Variants in KRT7 observed in about 807,000 individuals in gnomAD.
The protein encoded by KRT7 is keratin 7.
KRT7 carries 50 observed loss-of-function variants against 42.8 expected under a neutral mutation model. The ratio of observed to expected loss-of-function variants is 1.17; its 90% CI spans 0.93 to 1.48. KRT7 has a LOEUF of 1.48. Ranked by LOEUF, KRT7 falls within the 40% of genes most tolerant of loss-of-function variation. The pLI is 0.00. For synonymous variants in KRT7, 268 were observed against 266.3 expected, an observed-to-expected ratio of 1.01 and a Z score of -0.06; for missense variants, 588 against 637.6, an observed-to-expected ratio of 0.92 and a Z score of 0.84.
chr12:52,252,462 G>A (rs778604829), downstream of KRT7: 36 of 1,614,026 alleles, frequency 2.2e-5, no homozygotes, highest in Middle Eastern at 3.4e-4. Context: ...CTGGGCCACC[G>A]CGGCCTCCAG....
chr12:52,253,656 T>C, downstream of KRT7: 1 of 1,512,332 alleles, frequency 6.6e-7, no homozygotes, highest in Non-Finnish European at 9.0e-7. Context: ...AATGTCATCG[T>C]ACTGAGCTTT....
At chr12:52,245,106 A>G in intron 6 of KRT7, 3 of 493,446 alleles carry the variant, frequency 6.1e-6, no homozygotes, top group South Asian at 2.6e-5. Context: ...TGCCACGGAC[A>G]TCTTGTATAT....
downstream of KRT7, among the ~76,000 whole-genome samples, chr12:52,254,561 G>T (rs2121138565): frequency 6.6e-6 from 1 of 152,296 alleles, no homozygotes; most frequent in African/African-American, 2.4e-5. Flanking sequence ...AGCAGGTTTG[G>T]GTAAGGGAGG....
intron 3 of KRT7, among the ~76,000 whole-genome samples, chr12:52,238,317 G>A (rs1056311827): frequency 2.6e-5 from 4 of 152,226 alleles, no homozygotes; most frequent in African/African-American, 9.6e-5. Flanking sequence ...ATGACTTTGT[G>A]TTCTGCTACT....
At chr12:52,234,052 G>T (rs193049892) in intron 1 of KRT7, among the ~76,000 whole-genome samples, 2 of 146,912 alleles carry the variant, frequency 1.4e-5, no homozygotes, top group African/African-American at 4.9e-5. Context: ...TCCCAGAGGG[G>T]GAGACCCAGG....
At position 52,241,553 on chromosome 12, in the gene KRT7, G is replaced by A. The variant is rs1056298960; in HGVS notation, c.775G>A (p.Gly259Ser). The A allele has an allele frequency of 5.0e-6, 8 of 1,613,840 alleles. No homozygotes were observed. In the Admixed American group the frequency reaches 6.7e-5, roughly 13 times the overall value. ...CAACAGTCGCTCCCTGGACCTGGACGGCATCATCGCTGAGGTCAAGGCGCA... is the reference window on the plus strand; with the variant it reads ...CAACAGTCGCTCCCTGGACCTGGACAGCATCATCGCTGAGGTCAAGGCGCA... ...MDNSRSLDLD[G>S]IIAEVKAQYE... The change falls in exon 5 of 9, where the codon GGC (glycine) becomes AGC (serine). Residue 259 changes from glycine to serine, a missense_variant. Gly to Ser is a moderately conservative substitution (Grantham distance 56). Transcript: ENST00000331817.
At chr12:52,239,401 C>T (rs932914353) in intron 4 of KRT7, among the ~76,000 whole-genome samples, 2 of 152,194 alleles carry the variant, frequency 1.3e-5, no homozygotes, top group South Asian at 4.1e-4. Flanking sequence ...CTGTAGTTTG[C>T]TGACCTAAGC....
downstream of KRT7, chr12:52,251,940 G>A: frequency 1.9e-6 from 1 of 535,276 alleles, no homozygotes; most frequent in Non-Finnish European, 3.6e-6. Flanking sequence ...CGAGCCTAAA[G>A]TTTTTACTAT....
chr12:52,237,719 T>TG (rs1942031006), intron 3 of KRT7, 150 bp downstream of exon 3: 1 of 568,034 alleles, frequency 1.8e-6, no homozygotes, highest in African/African-American at 2.4e-5. Flanking sequence ...GTCCTGTGGG[T>TG]GCGTGTATGT....
chr12:52,234,798 G>C (rs185607951), intron 1 of KRT7, among the ~76,000 whole-genome samples: 1 of 152,336 alleles, frequency 6.6e-6, no homozygotes, highest in Admixed American at 6.5e-5. Flanking sequence ...CAGACAGAAG[G>C]GAGGGCTGGG....
chr12:52,243,184 G>A, intron 6 of KRT7, 47 bp downstream of exon 6: 2 of 1,573,976 alleles, frequency 1.3e-6, no homozygotes, highest in Non-Finnish European at 1.7e-6. Flanking sequence ...GGCATGCAGG[G>A]GTGGCCAGCT....
At position 52,245,568 on chromosome 12, in the gene KRT7, G is replaced by A. The variant is rs759259636; in HGVS notation, c.1141G>A (p.Val381Met). The change falls in exon 7 of 9, where the codon GTG (valine) becomes ATG (methionine). Residue 381 changes from valine (V) to methionine (M), a missense_variant. Coordinates refer to ENST00000331817, the MANE Select transcript of KRT7 (RefSeq NM_005556.4). ...QLREYQELMS[V>M]KLALDIEIAT... is the part of the protein sequence containing the mutation. ...GCGTGAGTACCAGGAACTCATGAGC[G>A]TGAAGCTGGCCCTGGACATCGAGAT... 80 of 1,614,112 alleles carry A rather than the reference G, an allele frequency of 5.0e-5. No individual in the cohort carries two copies. Among genetic ancestry groups the A allele is most frequent in the Middle Eastern group, 3.4e-4 (2 of 5,970 alleles).
At chr12:52,237,726 ATGTGTGTGTGTGTGTGTGTG>A (rs10546862) in intron 3 of KRT7, 157 bp downstream of exon 3, 4 of 346,324 alleles carry the variant, frequency 1.2e-5, no homozygotes, top group Admixed American at 4.6e-5. Flanking sequence ...GGGTGCGTGT[ATGTGTGTGTGTGTGTGTGTG>A]TGTGTGTGTG....
At chr12:52,241,674 G>A in intron 5 of KRT7, 38 bp downstream of exon 5, 2 of 1,551,064 alleles carry the variant, frequency 1.3e-6, no homozygotes, top group Non-Finnish European at 1.8e-6. Context: ...TCCTGCCAGG[G>A]TCCTTGGTGG....
downstream of KRT7, among the ~76,000 whole-genome samples, chr12:52,249,085 C>A (rs777470285): frequency 6.6e-6 from 1 of 152,150 alleles, no homozygotes; most frequent in Non-Finnish European, 1.5e-5. Context: ...CTAGGGTGAG[C>A]CTTGGCCTCC....
downstream of KRT7, among the ~76,000 whole-genome samples, chr12:52,249,689 A>T (rs1565724351): frequency 6.6e-6 from 1 of 152,040 alleles, no homozygotes; most frequent in Non-Finnish European, 1.5e-5. Context: ...TGTGTCCCTG[A>T]TGGGCAGCAG....
downstream of KRT7, among the ~76,000 whole-genome samples, chr12:52,249,938 C>T (rs572397057): frequency 1.1e-4 from 16 of 152,198 alleles, 1 homozygote; most frequent in African/African-American, 2.9e-4. Flanking sequence ...GTCAGGAGAT[C>T]CAGGCCCTCT....
At chr12:52,255,250 A>C (rs1942321080), downstream of KRT7, 1 of 435,710 alleles carries the variant, frequency 2.3e-6, no homozygotes, top group Non-Finnish European at 4.7e-6. Flanking sequence ...AGAGAGCCTG[A>C]TGTTAGTCAA....
chr12:52,244,621 G>C, intron 6 of KRT7: 2 of 985,998 alleles, frequency 2.0e-6, no homozygotes, highest in Non-Finnish European at 2.4e-6. Context: ...GGTAAGAAGG[G>C]AGAGAAGTCC....
Sources: allele counts gnomAD v4.1 joint callset (sites outside exome capture counted in the v4.1 genomes callset), GRCh38; gene constraint gnomAD v4.1.1; transcripts MANE v1.5; gene names NCBI Gene and HGNC (gene_info 2026-07-23, HGNC 2026-07-21).